Variants in TPTE observed in about 807,000 individuals in gnomAD.
TPTE encodes the protein transmembrane phosphatase with tensin homology.
A neutral mutation model predicts 84.1 loss-of-function variants in TPTE; 59 were observed. That is an observed-to-expected ratio of 0.70 (90% CI 0.57 to 0.87). TPTE has a LOEUF of 0.87. Ranked by LOEUF, TPTE falls within the 40% of genes least tolerant of loss-of-function variation. The pLI is 0.00. For missense variants in TPTE, 382 were observed against 659.6 expected (o/e 0.58, Z 4.61); for synonymous variants, 130 against 223.5 (o/e 0.58, Z 3.73).
At chr21:10,536,849 A>G (rs1371241378) in intron 3 of TPTE, among the ~76,000 whole-genome samples, 2 of 152,306 alleles carry the variant, frequency 1.3e-5, no homozygotes, top group East Asian at 1.9e-4. Context: ...TGTGTATGAG[A>G]CATACTAGAG....
chr21:10,603,457 A>G (rs937769632), intron 22 of TPTE, 105 bp from the exon 23 acceptor site: 31 of 1,178,658 alleles, frequency 2.6e-5, no homozygotes, highest in Non-Finnish European at 3.7e-5. Flanking sequence ...TAATGGTTAT[A>G]ATTGTTTGAT....
chr21:10,549,634 A>G (rs1160282423), intron 7 of TPTE, among the ~76,000 whole-genome samples: 3 of 152,228 alleles, frequency 2.0e-5, no homozygotes, highest in Non-Finnish European at 2.9e-5. Context: ...TTTTGAAATA[A>G]CACAGACAGG....
intron 5 of TPTE, among the ~76,000 whole-genome samples, chr21:10,542,089 ATTGGAG>A (rs1218945766): frequency 6.6e-6 from 1 of 152,308 alleles, no homozygotes; most frequent in East Asian, 1.9e-4. Context: ...CTACCTACAA[ATTGGAG>A]TTGAGTTTGA....
rs78225807 is a variant in TPTE, at chr21:10,569,476, G to A, written c.606G>A (p.Leu202=). The A allele has an allele frequency of 1.4e-5, 22 of 1,598,028 alleles. No homozygotes were observed. The African/African-American group carries it at 2.7e-4, about 20-fold the overall frequency. Residue 202 remains leucine (L), a synonymous_variant, in exon 12 of 24, where the codon CTG becomes CTA. Transcript: ENST00000618007. ...HLLRLLRLII[L]LRIFHLFHQK... ...TTCGACTTCTACGACTTATTATTCT[G>A]TTAAGAATTTTTCATCTGTTTCATC...
At chr21:10,542,781 T>C in intron 6 of TPTE, among the ~76,000 whole-genome samples, 1 of 152,420 alleles carries the variant, frequency 6.6e-6, no homozygotes, top group East Asian at 1.9e-4. Flanking sequence ...TTCGTCTCAT[T>C]GTAGCATTTG....
chr21:10,538,365 G>C (rs1373096978), intron 3 of TPTE, among the ~76,000 whole-genome samples: 1 of 152,310 alleles, frequency 6.6e-6, no homozygotes, highest in African/African-American at 2.4e-5. Flanking sequence ...TAAGAGGGCT[G>C]ACTACCTCCA....
intron 6 of TPTE, among the ~76,000 whole-genome samples, chr21:10,542,787 A>G (rs2074394864): frequency 6.6e-6 from 1 of 152,290 alleles, no homozygotes; most frequent in African/African-American, 2.4e-5. Context: ...TCATTGTAGC[A>G]TTTGTTAGTA....
At chr21:10,541,058 GC>G in intron 4 of TPTE, 53 bp from the exon 5 acceptor site, 7 of 1,608,972 alleles carry the variant, frequency 4.4e-6, no homozygotes, top group Non-Finnish European at 5.1e-6. Flanking sequence ...GCTATTTGTT[GC>G]AAAACATTAG....
intron 19 of TPTE, among the ~76,000 whole-genome samples, chr21:10,593,954 CAAACAAAACA>C (rs113374522): frequency 7.2e-5 from 11 of 151,854 alleles, no homozygotes; most frequent in Non-Finnish European, 1.2e-4. Flanking sequence ...ACCCAAGCCC[CAAACAAAACA>C]AAACAAAACA....
At chr21:10,532,487 C>G (rs1375312528) in intron 3 of TPTE, among the ~76,000 whole-genome samples, 1 of 152,304 alleles carries the variant, frequency 6.6e-6, no homozygotes, top group Non-Finnish European at 1.5e-5. Flanking sequence ...TTTTTCTTCT[C>G]CAGTTCAGTG....
At chr21:10,572,450 CAAAAAAAAAAAA>C (rs58796102) in intron 14 of TPTE, among the ~76,000 whole-genome samples, 2 of 131,986 alleles carry the variant, frequency 1.5e-5, no homozygotes, top group Non-Finnish European at 3.3e-5. Context: ...AGACTGTATC[CAAAAAAAAAAAA>C]AAAAAAAAAA....
intron 8 of TPTE, among the ~76,000 whole-genome samples, chr21:10,556,087 C>G (rs1422423033): frequency 6.6e-6 from 1 of 152,304 alleles, no homozygotes; most frequent in African/African-American, 2.4e-5. Flanking sequence ...TGCATGTGCA[C>G]AATGTGCAGG....
intron 7 of TPTE, among the ~76,000 whole-genome samples, chr21:10,549,741 A>G (rs2074538385): frequency 6.6e-6 from 1 of 152,308 alleles, no homozygotes; most frequent in Admixed American, 6.5e-5. Context: ...CCAGAAGGAA[A>G]AGAGTAGAGA....
chr21:10,591,250 GT>G (rs1351107949), intron 18 of TPTE, among the ~76,000 whole-genome samples: 1 of 152,308 alleles, frequency 6.6e-6, no homozygotes, highest in Non-Finnish European at 1.5e-5. Context: ...TCTTTCTGCC[GT>G]TTTCTTGCTG....
intron 4 of TPTE, among the ~76,000 whole-genome samples, chr21:10,539,118 G>T (rs1211877142): frequency 6.6e-6 from 1 of 152,310 alleles, no homozygotes; most frequent in East Asian, 1.9e-4. Flanking sequence ...TTAGTTCCTA[G>T]TAAGCAGCAG....
intron 21 of TPTE, among the ~76,000 whole-genome samples, chr21:10,599,771 C>T (rs1327538367): frequency 2.0e-5 from 3 of 152,308 alleles, no homozygotes; most frequent in African/African-American, 2.4e-5. Flanking sequence ...CTGGGTCATC[C>T]CTTTTGGCTC....
chr21:10,526,272 C>T (rs1292840162), intron 2 of TPTE, among the ~76,000 whole-genome samples: 4 of 152,302 alleles, frequency 2.6e-5, no homozygotes, highest in South Asian at 4.1e-4. Flanking sequence ...TAACGAGATG[C>T]GATAATTTGA....
intron 7 of TPTE, among the ~76,000 whole-genome samples, chr21:10,551,964 C>T (rs1208401881): frequency 1.3e-5 from 2 of 152,298 alleles, no homozygotes; most frequent in Non-Finnish European, 2.9e-5. Flanking sequence ...CCACTTAATC[C>T]TCACTTGTGA....
rs758864641 is a variant in TPTE, at chr21:10,540,792, A to T, written c.12-320A>T. On this transcript the variant is annotated intron_variant, in intron 4 of 23. Transcript: ENST00000618007. ...ATAGAGAATGAGGAACTCAAATGGG[A>T]TTATAAGAAGGGAGACTCAGGAACT... The T allele has an allele frequency of 7.5e-6, 4 of 530,348 alleles. No homozygotes were observed. The East Asian group carries it at 2.1e-4, about 27-fold the overall frequency. The allele number at this position is 530,348 out of a possible 1,614,324, so 32.9% of individuals were successfully genotyped here.
Sources: gnomAD v4.1 joint callset for allele counts (sites outside exome capture counted in the v4.1 genomes callset) on GRCh38, gnomAD v4.1.1 for gene constraint, MANE v1.5 for transcripts, NCBI Gene and HGNC (gene_info 2026-07-23, HGNC 2026-07-21) for gene names.